The following TMPRSS15 variants were observed in gnomAD, a reference collection of about 807,000 sequenced individuals.
TMPRSS15 encodes enteropeptidase.
TMPRSS15 carries 128 observed loss-of-function variants against 125.3 expected under a neutral mutation model. The ratio of observed to expected loss-of-function variants is 1.02; its 90% CI spans 0.89 to 1.18. The LOEUF (loss-of-function observed/expected upper bound fraction) is 1.18. Among genes scored for constraint, TMPRSS15 ranks in the 50% most tolerant of loss-of-function variants. TMPRSS15 has a pLI of 0.00. For missense variants in TMPRSS15, 1,283 were observed against 1,212.7 expected, an observed-to-expected ratio of 1.06 and a Z score of -0.86; for synonymous variants, 446 against 423.2, an observed-to-expected ratio of 1.05 and a Z score of -0.66.
intron 18 of TMPRSS15, among the ~76,000 whole-genome samples, chr21:18,305,183 C>CTTTTTT (rs59103494): frequency 0.02 from 1,739 of 85,964 alleles, 116 homozygotes; most frequent in African/African-American, 0.041. Flanking sequence ...AATTTCCGTA[C>CTTTTTT]TTTTTTTTTT....
intron 1 of TMPRSS15, among the ~76,000 whole-genome samples, chr21:18,454,574 C>T (rs1155776): frequency 0.95 from 145,244 of 152,134 alleles, 69,710 homozygotes; most frequent in Middle Eastern, 1. Context: ...GAGGAGCCAA[C>T]GGTGTAACTC....
chr21:18,338,295 C>G (rs2075412863), intron 13 of TMPRSS15, among the ~76,000 whole-genome samples: 1 of 151,984 alleles, frequency 6.6e-6, no homozygotes, highest in Middle Eastern at 3.4e-3. Context: ...AATTTTTCTT[C>G]TTTATTATTT....
upstream of TMPRSS15, among the ~76,000 whole-genome samples, chr21:18,405,437 A>G (rs377697747): frequency 7.9e-5 from 12 of 152,274 alleles, no homozygotes; most frequent in African/African-American, 2.9e-4. Context: ...AAATCAAATC[A>G]CATATCTTGA....
At chr21:18,365,957 T>G (rs1238912472) in intron 6 of TMPRSS15, among the ~76,000 whole-genome samples, 2 of 151,622 alleles carry the variant, frequency 1.3e-5, no homozygotes, top group East Asian at 3.9e-4. Context: ...CTGGTCTCGA[T>G]CTCCTGACCA....
rs2074731204 is a variant in TMPRSS15 at position 18,283,795 on chromosome 21, G to A, written c.2487-2574C>T. On this transcript the variant is annotated intron_variant, in intron 21 of 24. Transcript: ENST00000284885. The stretch of plus-strand genomic sequence containing the variant: ...GTTAAATTAAGGTATTTCAGAGAAA[G>A]AGCATCTAAACTCCCAAATTCTTCT... Among the ~76,000 whole-genome samples the A allele has an allele frequency of 2.0e-5, 3 of 152,122 alleles. No individual in the cohort carries two copies. In the South Asian group the frequency reaches 6.2e-4, roughly 32 times the overall value.
chr21:18,422,529 GT>G (rs1440235229), intron 1 of TMPRSS15, among the ~76,000 whole-genome samples: 1 of 152,146 alleles, frequency 6.6e-6, no homozygotes, highest in Non-Finnish European at 1.5e-5. Flanking sequence ...CATTGACTAT[GT>G]ACTATGTGTA....
At chr21:18,417,363 C>T (rs1938424526) in intron 1 of TMPRSS15, among the ~76,000 whole-genome samples, 1 of 152,010 alleles carries the variant, frequency 6.6e-6, no homozygotes, top group Admixed American at 6.6e-5. Context: ...CCACAGCAAA[C>T]AAGCAGGTGC....
rs1049032603 is a variant in TMPRSS15, at chr21:18,295,544, C to T, written c.2262-892G>A. The stretch of plus-strand genomic sequence containing the variant: ...CATGCTGTTTAGATCTTTAAAAATG[C>T]AACGTAAATAAGACCTAAGATCCAC... On this transcript the variant is annotated intron_variant, in intron 19 of 24. Transcript: ENST00000284885. Among the ~76,000 whole-genome samples, 91 of 151,726 alleles carry T rather than the reference C, an allele frequency of 6.0e-4. 6 individuals are homozygous for T. The highest frequency in any genetic ancestry group is 4.4e-5 in the Non-Finnish European group (3 of 67,920).
At position 18,341,298 on chromosome 21, in the gene TMPRSS15, T is replaced by C; in HGVS notation, c.1564+115A>G. On this transcript the variant is annotated intron_variant, in intron 13 of 24. Transcript: ENST00000284885. ...AATCCTCAGGCTGGTCTCAAACTCCTGGCTTCAAGCAATCCTCCTGCTTCA... is the reference window on the plus strand; with the variant it reads ...AATCCTCAGGCTGGTCTCAAACTCCCGGCTTCAAGCAATCCTCCTGCTTCA... 4 of 1,312,132 alleles carry C rather than the reference T, an allele frequency of 3.0e-6. No individual in the cohort carries two copies. The Admixed American group carries it at 5.2e-5, about 17-fold the overall frequency. 81.3% of individuals were successfully genotyped at this position (1,312,132 alleles called of 1,614,324 possible).
chr21:18,446,034 C>A (rs2076255159), intron 1 of TMPRSS15, among the ~76,000 whole-genome samples: 1 of 152,168 alleles, frequency 6.6e-6, no homozygotes, highest in Non-Finnish European at 1.5e-5. Context: ...GTTTTCAAAC[C>A]ACATGATCTT....
intron 1 of TMPRSS15, among the ~76,000 whole-genome samples, chr21:18,470,682 A>G (rs1978761276): frequency 6.6e-6 from 1 of 152,110 alleles, no homozygotes; most frequent in African/African-American, 2.4e-5. Context: ...CTGTTGTTGC[A>G]ATTATCAATA....
At position 18,279,070 on chromosome 21, in the gene TMPRSS15, A is replaced by T. The variant is rs757183870; in HGVS notation, c.2669-11T>A. 9.7e-5 allele frequency: 133 copies of T among 1,373,262 alleles called. No individual in the cohort carries two copies. The highest frequency in any genetic ancestry group is 1.5e-4 in the Admixed American group (9 of 58,866). The allele number at this position is 1,373,262 out of a possible 1,614,324, so 85.1% of individuals were successfully genotyped here. The stretch of plus-strand genomic sequence containing the variant: ...TAGGTTGTATGTAATCTGGAAAAAC[A>T]AGCAAACAGCAAAACGAACAAACGA... On this transcript the variant is annotated splice_polypyrimidine_tract_variant and intron_variant, in intron 22 of 24. Transcript: ENST00000284885.
intron 18 of TMPRSS15, among the ~76,000 whole-genome samples, chr21:18,302,098 C>T (rs925547752): frequency 1.3e-5 from 2 of 152,096 alleles, no homozygotes. Flanking sequence ...GGAGCTTAGG[C>T]GGGGATGTTT....
intron 3 of TMPRSS15, among the ~76,000 whole-genome samples, chr21:18,388,704 A>T (rs1282348839): frequency 6.6e-6 from 1 of 152,214 alleles, no homozygotes; most frequent in Non-Finnish European, 1.5e-5. Flanking sequence ...CCTCTACAAA[A>T]CTAGAAAAGA....
At chr21:18,440,371 T>TAAAAAAA (rs2076238473) in intron 1 of TMPRSS15, among the ~76,000 whole-genome samples, 1 of 5,548 alleles carries the variant, frequency 1.8e-4, no homozygotes, top group African/African-American at 3.3e-4. Context: ...AAACTCCGTC[T>TAAAAAAA]CAAAAAAAAA....
intron 1 of TMPRSS15, among the ~76,000 whole-genome samples, chr21:18,413,268 C>CTTTCTT (rs1413512613): frequency 1.5e-4 from 19 of 127,936 alleles, no homozygotes; most frequent in African/African-American, 2.1e-4. Context: ...CTTTCTTTCT[C>CTTTCTT]TTTCTTTTTC....
chr21:18,478,390 T>G (rs1978919584), intron 1 of TMPRSS15, among the ~76,000 whole-genome samples: 1 of 152,020 alleles, frequency 6.6e-6, no homozygotes. Flanking sequence ...AACTTTTCAT[T>G]TTGGAATTAA....
intron 24 of TMPRSS15, among the ~76,000 whole-genome samples, chr21:18,272,193 G>T (rs573886534): frequency 2.6e-4 from 40 of 152,130 alleles, no homozygotes; most frequent in Non-Finnish European, 4.4e-4. Context: ...CACTGTAAAA[G>T]TGTTCCTAGT....
At chr21:18,360,539 G>A (rs1297303725) in intron 7 of TMPRSS15, among the ~76,000 whole-genome samples, 1 of 151,968 alleles carries the variant, frequency 6.6e-6, no homozygotes, top group Non-Finnish European at 1.5e-5. Context: ...TATCATTTGT[G>A]GAAAAAGACT....
Sources: allele counts gnomAD v4.1 joint callset (sites outside exome capture counted in the v4.1 genomes callset), GRCh38; gene constraint gnomAD v4.1.1; transcripts MANE v1.5; gene names NCBI Gene and HGNC (gene_info 2026-07-23, HGNC 2026-07-21).